DVL3: variants seen among roughly 807,000 people sequenced by gnomAD.
DVL3 encodes dishevelled segment polarity protein 3, also known as segment polarity protein dishevelled homolog DVL-3.
In DVL3, 27 loss-of-function variants were observed where a neutral mutation model predicts 67.4. The ratio of observed to expected loss-of-function variants is 0.40; its 90% CI spans 0.30 to 0.55. DVL3 has a LOEUF of 0.55. Ranked by LOEUF, DVL3 falls within the 20% of genes least tolerant of loss-of-function variation. The pLI, the probability that DVL3 is intolerant of heterozygous loss-of-function variation, is 0.46. For missense variants in DVL3, 819 were observed against 1,021.5 expected (o/e 0.80, Z 2.70); for synonymous variants, 369 against 396.8 (o/e 0.93, Z 0.83).
rs1168218757 is a variant in DVL3, at chr3:184,155,411, G to A, written c.-225G>A. On this transcript the variant is annotated 5_prime_UTR_variant, in exon 1 of 15. Transcript: ENST00000313143. The surrounding 1 kb of genome is among the most constrained non-coding windows in gnomAD (Gnocchi z 5.4). ...GGGCCGCGGCCACCGGAAGAGTCGC[G>A]GTCGCCAGTCCAGTCGGGAGAGTGG... is the stretch of plus-strand genomic sequence containing the variant. 6.5e-6 allele frequency: 1 copy of A among 153,392 alleles called. No homozygotes were observed. The allele number at this position is 153,392 out of a possible 1,614,324, so 9.5% of individuals were successfully genotyped here.
chr3:184,171,213 T>C lies in DVL3; in HGVS notation c.*458T>C. ...CCCATCAGGCACGTGTGCAAACCTC[T>C]TGACTTTACCCCACATTACTGAAAC... On this transcript the variant is annotated 3_prime_UTR_variant, in exon 15 of 15. Coordinates refer to ENST00000313143, the MANE Select transcript of DVL3 (RefSeq NM_004423.4). 9.1e-7 allele frequency: 1 copy of C among 1,094,424 alleles called. No individual in the cohort carries two copies. The highest frequency in any genetic ancestry group is 1.1e-6 in the Non-Finnish European group (1 of 895,584). 67.8% of individuals were successfully genotyped at this position (1,094,424 alleles called of 1,614,324 possible). A position where few individuals can be genotyped will look rare whatever the true frequency, so the allele number is the denominator to read the frequency against.
At chr3:184,161,102 C>G (rs1714364337) in intron 1 of DVL3, among the ~76,000 whole-genome samples, 2 of 152,188 alleles carry the variant, frequency 1.3e-5, no homozygotes, top group South Asian at 4.1e-4. Context: ...GGGAGCCAAG[C>G]ACATTCCCAG....
At chr3:184,168,645 T>G (rs1714684638) in intron 13 of DVL3, among the ~76,000 whole-genome samples, 1 of 152,212 alleles carries the variant, frequency 6.6e-6, no homozygotes, top group Non-Finnish European at 1.5e-5. Context: ...GTCTCCTGAC[T>G]TCTCTCTTGG....
At chr3:184,168,441 G>T (rs1002909834) in intron 13 of DVL3, among the ~76,000 whole-genome samples, 16 of 152,326 alleles carry the variant, frequency 1.1e-4, no homozygotes, top group African/African-American at 3.4e-4. Flanking sequence ...GGGAAGAACT[G>T]GAGGCCTAGG....
intron 1 of DVL3, among the ~76,000 whole-genome samples, chr3:184,158,861 C>T (rs1287111377): frequency 6.8e-6 from 1 of 148,022 alleles, no homozygotes. Flanking sequence ...CTGCAACCTT[C>T]GCCTCCCGGG....
rs1032081076 is a variant in DVL3, at chr3:184,173,507, AG to A, written c.*2755del. The A allele has an allele frequency of 1.1e-4, 17 of 152,274 alleles. No homozygotes were observed. Among genetic ancestry groups the A allele is most frequent in the Admixed American group, 9.1e-4 (14 of 15,302 alleles). 9.4% of individuals were successfully genotyped at this position (152,274 alleles called of 1,614,324 possible). A position where few individuals can be genotyped will look rare whatever the true frequency, so the allele number is the denominator to read the frequency against. ...ATGATGATAATAATACCTACCTCAC[AG>A]GGTTGTTGTGAGGATTTAAATTAGA... On this transcript the variant is annotated 3_prime_UTR_variant, in exon 15 of 15. Coordinates refer to ENST00000313143, the MANE Select transcript of DVL3 (RefSeq NM_004423.4).
intron 13 of DVL3, among the ~76,000 whole-genome samples, chr3:184,168,560 C>T (rs1577051363): frequency 6.6e-6 from 1 of 152,336 alleles, no homozygotes; most frequent in Non-Finnish European, 1.5e-5. Context: ...TCCACCACCA[C>T]TCCCCATGCT....
Position 184,166,346 on chromosome 3 carries a change from C to A in DVL3, c.903+81C>A. On this transcript the variant is annotated intron_variant, in intron 8 of 14. Coordinates refer to ENST00000313143, the MANE Select transcript of DVL3 (RefSeq NM_004423.4). The surrounding 1 kb of genome is among the most constrained non-coding windows in gnomAD (Gnocchi z 6.7). ...CATCTGTACCCTGCTCCTTCAGAGG[C>A]CCCTTCTTGGTTGGGGGAAGACTCC... 1 of 1,606,622 alleles carries A rather than the reference C, an allele frequency of 6.2e-7. No homozygotes were observed. Among genetic ancestry groups the A allele is most frequent in the Non-Finnish European group, 8.5e-7 (1 of 1,174,918 alleles).
Position 184,162,379 on chromosome 3 carries a change from C to T in DVL3, c.162-1278C>T, listed in dbSNP as rs903966318. On this transcript the variant is annotated intron_variant, in intron 1 of 14. Transcript: ENST00000313143. Reference sequence around the variant, plus strand: ...TTGTTTTGTTTTGTAGAGCCGGCACCTCGCTATGTTGACCAGGCAGGTCTC... The same window carrying T: ...TTGTTTTGTTTTGTAGAGCCGGCACTTCGCTATGTTGACCAGGCAGGTCTC... Among the ~76,000 whole-genome samples the T allele has an allele frequency of 2.6e-5, 4 of 151,742 alleles. 1 individual carries two copies. The highest frequency in any genetic ancestry group is 9.7e-5 in the African/African-American group (4 of 41,330).
Position 184,170,955 on chromosome 3 carries a change from T to A in DVL3, c.*200T>A. ...GCTCTGCAGCCCCCTAACCTGCCTCTGGCCCCAGTTCGTTTCCTCTGCCCA... is the reference window on the plus strand; with the variant it reads ...GCTCTGCAGCCCCCTAACCTGCCTCAGGCCCCAGTTCGTTTCCTCTGCCCA... On this transcript the variant is annotated 3_prime_UTR_variant, in exon 15 of 15. Coordinates refer to ENST00000313143, the MANE Select transcript of DVL3 (RefSeq NM_004423.4). This position sits in a 1 kb window ranked among gnomAD's most constrained non-coding sequence, Gnocchi z 6.5. 1 of 1,526,964 alleles carries A rather than the reference T, an allele frequency of 6.5e-7. No homozygotes were observed. The highest frequency in any genetic ancestry group is 8.8e-7 in the Non-Finnish European group (1 of 1,139,368). 94.6% of individuals were successfully genotyped at this position (1,526,964 alleles called of 1,614,324 possible).
In DVL3 at chr3:184,164,615, A is replaced by C. The variant is rs1457491734; in HGVS notation, c.463+14A>C. 6.5e-7 allele frequency: 1 copy of C among 1,548,794 alleles called. No homozygotes were observed. The highest frequency in any genetic ancestry group is 8.7e-7 in the Non-Finnish European group (1 of 1,146,130). On this transcript the variant is annotated intron_variant, in intron 4 of 14. Coordinates refer to ENST00000313143, the MANE Select transcript of DVL3 (RefSeq NM_004423.4). This position sits in a 1 kb window ranked among gnomAD's most constrained non-coding sequence, Gnocchi z 5.3. ...GCCCAGAGCATGGTATATCTTCCTG[A>C]ACACGGACACTGTCCGCACCTCACA...
chr3:184,161,937 A>G (rs955020409), intron 1 of DVL3, among the ~76,000 whole-genome samples: 2 of 152,168 alleles, frequency 1.3e-5, no homozygotes, highest in African/African-American at 4.8e-5. Flanking sequence ...GCTGATGTGA[A>G]GATTATAGGT....
chr3:184,166,738 C>CA lies in DVL3; in HGVS notation c.1048+65_1048+66insA. On this transcript the variant is annotated intron_variant, in intron 10 of 14. Transcript: ENST00000313143. The surrounding 1 kb of genome is among the most constrained non-coding windows in gnomAD (Gnocchi z 6.7). ...CATACATGAGCACTGTCTCTCCTTT[C>CA]TTCTCTCACCCAGAACCCCCATATC... is the stretch of plus-strand genomic sequence containing the variant. The CA allele has an allele frequency of 4.3e-6, 7 of 1,612,262 alleles. No homozygotes were observed. Among genetic ancestry groups the CA allele is most frequent in the Non-Finnish European group, 5.9e-6 (7 of 1,178,988 alleles).
At chr3:184,162,056 G>A (rs1240910419) in intron 1 of DVL3, among the ~76,000 whole-genome samples, 1 of 152,096 alleles carries the variant, frequency 6.6e-6, no homozygotes, top group Admixed American at 6.6e-5. Flanking sequence ...AACCTATTGA[G>A]CCTAGTTTCC....
chr3:184,169,854 G>A (rs1293442701), intron 13 of DVL3, 152 bp from the exon 14 acceptor site: 1 of 661,678 alleles, frequency 1.5e-6, no homozygotes. Context: ...TGGTGGCAAA[G>A]GGGGTCTGCA....
rs1368667268 is a variant in DVL3, at chr3:184,165,086, G to C, written c.600-27G>C. On this transcript the variant is annotated intron_variant, in intron 5 of 14. Coordinates refer to ENST00000313143, the MANE Select transcript of DVL3 (RefSeq NM_004423.4). This position sits in a 1 kb window ranked among gnomAD's most constrained non-coding sequence, Gnocchi z 4.1. ...CATGGGGGCAGGGCTGGGCCAGCCT[G>C]GTGGGGAACGACTGTGGGCCCCACA... The C allele has an allele frequency of 1.2e-5, 19 of 1,613,540 alleles. No homozygotes were observed. Among genetic ancestry groups the C allele is most frequent in the Non-Finnish European group, 1.6e-5 (19 of 1,179,746 alleles).
At position 184,169,986 on chromosome 3, in the gene DVL3, T is replaced by A. The variant is rs780409328; in HGVS notation, c.1499-20T>A. The stretch of plus-strand genomic sequence containing the variant: ...CTCTCTCCGGAAAGACCTAGCTCCA[T>A]CCGGCCCTCCCCTTCACAGACATGG... On this transcript the variant is annotated intron_variant, in intron 13 of 14. Coordinates refer to ENST00000313143, the MANE Select transcript of DVL3 (RefSeq NM_004423.4). 1 of 1,584,040 alleles carries A rather than the reference T, an allele frequency of 6.3e-7. No individual in the cohort carries two copies. The highest frequency in any genetic ancestry group is 8.6e-7 in the Non-Finnish European group (1 of 1,160,992).
In DVL3 at chr3:184,167,621, G is replaced by A. The variant is rs1217196454; in HGVS notation, c.1240G>A (p.Ala414Thr). The A allele has an allele frequency of 6.2e-7, 1 of 1,614,120 alleles. No individual in the cohort carries two copies. The highest frequency in any genetic ancestry group is 2.2e-5 in the East Asian group (1 of 44,888). The change falls in exon 12 of 15, where the codon GCC becomes ACC. Residue 414 changes from alanine to threonine, a missense_variant. Ala to Thr is a moderately conservative substitution (Grantham distance 58). Around this residue, in one of 3 missense-constraint regions of DVL3, gnomAD observed 110 missense variants for 203.4 expected, o/e 0.54. Coordinates refer to ENST00000313143, the MANE Select transcript of DVL3 (RefSeq NM_004423.4). This position sits in a 1 kb window ranked among gnomAD's most constrained non-coding sequence, Gnocchi z 4.6. ...CTTGTCCATCCACAGTGACATGGCT[G>A]CCATCGTAAAAGCCATGGCCTCCCC... ...FHLSIHSDMA[A>T]IVKAMASPES...
rs1458263558 is a variant in DVL3 at position 184,165,035 on chromosome 3, G to A, written c.600-78G>A. On this transcript the variant is annotated intron_variant, in intron 5 of 14. Transcript: ENST00000313143. The surrounding 1 kb of genome is among the most constrained non-coding windows in gnomAD (Gnocchi z 4.1). ...GGAGGCTTATGGGCTTTGTGTTGGG[G>A]ACCCAGGCCCTGCAGTGCCTCCCCT... 1 of 1,608,372 alleles carries A rather than the reference G, an allele frequency of 6.2e-7. No homozygotes were observed. Among genetic ancestry groups the A allele is most frequent in the Non-Finnish European group, 8.5e-7 (1 of 1,176,876 alleles).
Sources: gnomAD v4.1 joint callset for allele counts (sites outside exome capture counted in the v4.1 genomes callset) on GRCh38, gnomAD v4.1.1 for gene constraint, gnomAD v4.1.1 regional missense constraint, Gnocchi (gnomAD v3.1) non-coding constraint, MANE v1.5 for transcripts, NCBI Gene and HGNC (gene_info 2026-07-23, HGNC 2026-07-21) for gene names.